The following PCDHGA8 variants were observed in gnomAD, a reference collection of about 807,000 sequenced individuals.
PCDHGA8 encodes the protein protocadherin gamma subfamily A, 8, also known as protocadherin gamma-A8.
A neutral mutation model predicts 59.2 loss-of-function variants in PCDHGA8; 45 were observed. The ratio of observed to expected loss-of-function variants is 0.76; its 90% CI spans 0.60 to 0.98. The LOEUF (loss-of-function observed/expected upper bound fraction) is 0.98. Among genes scored for constraint, PCDHGA8 ranks in the 50% least tolerant of loss-of-function variants. The pLI, the probability that PCDHGA8 is intolerant of heterozygous loss-of-function variation, is 0.00. For missense variants in PCDHGA8, 1,257 were observed against 1,196.2 expected (o/e 1.05, Z -0.75); for synonymous variants, 531 against 519.0 (o/e 1.02, Z -0.32).
intron 1 of PCDHGA8, chr5:141,404,458 C>A: frequency 6.2e-7 from 1 of 1,612,914 alleles, no homozygotes; most frequent in East Asian, 2.2e-5. Context: ...CTCCTCTCTC[C>A]ACCTATGTCT....
intron 1 of PCDHGA8, chr5:141,413,119 G>C: frequency 6.6e-7 from 1 of 1,522,222 alleles, no homozygotes; most frequent in Non-Finnish European, 8.8e-7. Flanking sequence ...AAAGGAACCG[G>C]TTGAAACACA....
Position 141,486,006 on chromosome 5 carries a change from C to G in PCDHGA8, c.2425-8801C>G, listed in dbSNP as rs1394484191. The G allele has an allele frequency of 1.9e-6, 3 of 1,614,190 alleles. No individual in the cohort carries two copies. The highest frequency in any genetic ancestry group is 1.1e-5 in the South Asian group (1 of 91,084). On this transcript the variant is annotated intron_variant, in intron 1 of 3. Transcript: ENST00000398604. The surrounding 1 kb of genome is among the most constrained non-coding windows in gnomAD (Gnocchi z 5.0). Reference sequence around the variant, plus strand: ...GACCTGGGTCCCAGTGGTAACGTCACCTTTTATTTCAGTGGTCATACCCCT... The same window carrying G: ...GACCTGGGTCCCAGTGGTAACGTCAGCTTTTATTTCAGTGGTCATACCCCT...
Position 141,437,485 on chromosome 5 carries a change from C to T in PCDHGA8, c.2424+42248C>T, listed in dbSNP as rs372023505. The stretch of plus-strand genomic sequence containing the variant: ...TATACTTTTATAGCATATTTAATCT[C>T]GTAGATCACTTTTCAATGAATTATA... On this transcript the variant is annotated intron_variant, in intron 1 of 3. Transcript: ENST00000398604. Among the ~76,000 whole-genome samples, 16 of 152,188 alleles carry T rather than the reference C, an allele frequency of 1.1e-4. No individual in the cohort carries two copies. In the East Asian group the frequency reaches 2.9e-3, roughly 28 times the overall value.
Position 141,431,021 on chromosome 5 carries a change from G to A in PCDHGA8, c.2424+35784G>A. On this transcript the variant is annotated intron_variant, in intron 1 of 3. Coordinates refer to ENST00000398604, the MANE Select transcript of PCDHGA8 (RefSeq NM_032088.2). This position sits in a 1 kb window ranked among gnomAD's most constrained non-coding sequence, Gnocchi z 4.8. ...GCGCAGCGGCAGCTTGGTCACGGCG[G>A]GCAGGATAGACCGGGAGGAGCTCTG... is the stretch of plus-strand genomic sequence containing the variant. 1 of 1,613,940 alleles carries A rather than the reference G, an allele frequency of 6.2e-7. No individual in the cohort carries two copies. Among genetic ancestry groups the A allele is most frequent in the Non-Finnish European group, 8.5e-7 (1 of 1,179,936 alleles).
chr5:141,404,499 C>T lies in PCDHGA8; in HGVS notation c.2424+9262C>T, dbSNP rs147632103. ...AACTCAGACACTGGTGTGCTGTATG[C>T]TCTGTGCTCCTTTGACTATGAGCAG... On this transcript the variant is annotated intron_variant, in intron 1 of 3. Coordinates refer to ENST00000398604, the MANE Select transcript of PCDHGA8 (RefSeq NM_032088.2). 1.0e-4 allele frequency: 163 copies of T among 1,613,840 alleles called. 1 individual carries two copies. The East Asian group carries it at 3.6e-3, about 36-fold the overall frequency.
intron 2 of PCDHGA8, among the ~76,000 whole-genome samples, chr5:141,503,608 AAAAAAAG>A (rs1483073868): frequency 3.3e-5 from 5 of 151,876 alleles, no homozygotes; most frequent in South Asian, 2.1e-4. Context: ...CAAAAAAAAA[AAAAAAAG>A]AAAAAAGAAA....
chr5:141,505,377 C>G lies in PCDHGA8; in HGVS notation c.2484-16C>G, dbSNP rs1368451336. 1.9e-6 allele frequency: 3 copies of G among 1,614,036 alleles called. No homozygotes were observed. In the East Asian group the frequency reaches 6.7e-5, roughly 36 times the overall value. On this transcript the variant is annotated splice_polypyrimidine_tract_variant and intron_variant, in intron 2 of 3. Coordinates refer to ENST00000398604, the MANE Select transcript of PCDHGA8 (RefSeq NM_032088.2). Reference sequence around the variant, plus strand: ...CGGCCTGGGAGTCTGTGCTCACCATCCTACTCTCTCCCCAGCTCCCAAAAT... The same window carrying G: ...CGGCCTGGGAGTCTGTGCTCACCATGCTACTCTCTCCCCAGCTCCCAAAAT...
Position 141,432,326 on chromosome 5 carries a change from G to C in PCDHGA8, c.2424+37089G>C. The C allele has an allele frequency of 1.2e-6, 2 of 1,614,228 alleles. No individual in the cohort carries two copies. The highest frequency in any genetic ancestry group is 2.2e-5 in the East Asian group (1 of 44,890). On this transcript the variant is annotated intron_variant, in intron 1 of 3. Transcript: ENST00000398604. This position sits in a 1 kb window ranked among gnomAD's most constrained non-coding sequence, Gnocchi z 6.0. ...GTATGCGCTGAGCTCCTTCGACTAC[G>C]AGCAGTTCCGAGACTTGCAAGTGAA...
chr5:141,508,725 G>C (rs1447443196), intron 3 of PCDHGA8, among the ~76,000 whole-genome samples: 1 of 151,788 alleles, frequency 6.6e-6, no homozygotes, highest in Non-Finnish European at 1.5e-5. Flanking sequence ...TGTGCAGGGA[G>C]ACTACACCCC....
chr5:141,413,337 G>A, intron 1 of PCDHGA8: 1 of 1,613,978 alleles, frequency 6.2e-7, no homozygotes, highest in Non-Finnish European at 8.5e-7. Flanking sequence ...ACATCTCCAA[G>A]GACTTGGGTC....
At chr5:141,509,823 TTCTC>T (rs2099878456) in intron 3 of PCDHGA8, among the ~76,000 whole-genome samples, 1 of 152,170 alleles carries the variant, frequency 6.6e-6, no homozygotes, top group Non-Finnish European at 1.5e-5. Flanking sequence ...CTTCTCCATC[TTCTC>T]TCTACCTCCC....
intron 1 of PCDHGA8, chr5:141,427,665 G>A (rs763897261): frequency 1.3e-5 from 10 of 782,298 alleles, no homozygotes; most frequent in Admixed American, 3.9e-5. Flanking sequence ...CCACGTGGCC[G>A]AAAACAACCT....
At chr5:141,460,864 A>C (rs1220160866) in intron 1 of PCDHGA8, among the ~76,000 whole-genome samples, 1 of 151,800 alleles carries the variant, frequency 6.6e-6, no homozygotes, top group East Asian at 1.9e-4. Flanking sequence ...AAGTTGCTGC[A>C]AAGGACATTA....
At chr5:141,427,938 G>A in intron 1 of PCDHGA8, 1 of 1,584,968 alleles carries the variant, frequency 6.3e-7, no homozygotes, top group South Asian at 1.1e-5. Context: ...GTTGGTGGGC[G>A]ACCTCAATGA....
chr5:141,418,079 C>A, intron 1 of PCDHGA8: 1 of 1,614,048 alleles, frequency 6.2e-7, no homozygotes, highest in Non-Finnish European at 8.5e-7. Context: ...GGAGAAGCTG[C>A]ACTTCAGCGT....
chr5:141,418,150 A>C (rs1377300460), intron 1 of PCDHGA8: 2 of 1,614,112 alleles, frequency 1.2e-6, no homozygotes, highest in Non-Finnish European at 8.5e-7. Context: ...AAATATGCAA[A>C]GAGAGAAGAA....
chr5:141,432,692 G>A lies in PCDHGA8; in HGVS notation c.2424+37455G>A. The A allele has an allele frequency of 6.2e-7, 1 of 1,613,964 alleles. No homozygotes were observed. Among genetic ancestry groups the A allele is most frequent in the Non-Finnish European group, 8.5e-7 (1 of 1,179,978 alleles). On this transcript the variant is annotated intron_variant, in intron 1 of 3. Transcript: ENST00000398604. The surrounding 1 kb of genome is among the most constrained non-coding windows in gnomAD (Gnocchi z 6.0). ...CGCGCTCAAGCAGAGCCTCGTAGTG[G>A]CCGTCCAGGACCACGGCCAGCCCCC...
In PCDHGA8 at chr5:141,432,752, G is replaced by C. The variant is rs1407361813; in HGVS notation, c.2424+37515G>C. On this transcript the variant is annotated intron_variant, in intron 1 of 3. Coordinates refer to ENST00000398604, the MANE Select transcript of PCDHGA8 (RefSeq NM_032088.2). The surrounding 1 kb of genome is among the most constrained non-coding windows in gnomAD (Gnocchi z 6.0). Reference sequence around the variant, plus strand: ...CACTGTCACGCTCACCGTGGCCGTGGCCGACAGCATCCCCCAAGTCCTGGC... The same window carrying C: ...CACTGTCACGCTCACCGTGGCCGTGCCCGACAGCATCCCCCAAGTCCTGGC... 9.3e-6 allele frequency: 15 copies of C among 1,614,024 alleles called. No individual in the cohort carries two copies. The highest frequency in any genetic ancestry group is 1.3e-5 in the Non-Finnish European group (15 of 1,180,008).
intron 1 of PCDHGA8, chr5:141,419,876 C>T (rs1219393740): frequency 1.4e-5 from 23 of 1,614,084 alleles, no homozygotes; most frequent in Non-Finnish European, 1.9e-5. Flanking sequence ...AGAGGTACTG[C>T]CGGATTTCAG....
Sources: allele counts gnomAD v4.1 joint callset (sites outside exome capture counted in the v4.1 genomes callset), GRCh38; gene constraint gnomAD v4.1.1; non-coding constraint Gnocchi (gnomAD v3.1); transcripts MANE v1.5; gene names NCBI Gene and HGNC (gene_info 2026-07-23, HGNC 2026-07-21).